The following THOC7 variants were observed in gnomAD, a reference collection of about 807,000 sequenced individuals.
THOC7 encodes the protein THO complex subunit 7.
THOC7 carries 22 observed loss-of-function variants against 33.1 expected under a neutral mutation model. The ratio of observed to expected loss-of-function variants is 0.66; its 90% CI spans 0.47 to 0.95. THOC7 has a LOEUF of 0.95. Ranked by LOEUF, THOC7 falls within the 40% of genes least tolerant of loss-of-function variation. THOC7 has a pLI of 0.00. For missense variants in THOC7, 184 were observed against 245.3 expected (o/e 0.75, Z 1.67); for synonymous variants, 77 against 76.8 (o/e 1.00, Z -0.01).
At chr3:63,863,538 G>C in intron 1 of THOC7, 3 of 1,194,112 alleles carry the variant, frequency 2.5e-6, no homozygotes, top group East Asian at 3.5e-5. Context: ...GAGAGCGGAC[G>C]GGGAAAGCCG....
intron 4 of THOC7, among the ~76,000 whole-genome samples, chr3:63,837,491 A>T (rs1701659292): frequency 6.6e-6 from 1 of 152,102 alleles, no homozygotes; most frequent in African/African-American, 2.4e-5. Context: ...TAACCTTCTT[A>T]TTAGATATTC....
At chr3:63,836,165 T>C (rs974449721) in intron 5 of THOC7, 136 bp downstream of exon 5, 6 of 726,332 alleles carry the variant, frequency 8.3e-6, no homozygotes, top group African/African-American at 5.4e-5. Flanking sequence ...CAGAGAAGTA[T>C]GGGAAAATAT....
intron 1 of THOC7, among the ~76,000 whole-genome samples, chr3:63,846,433 GTT>G (rs1471987755): frequency 6.6e-6 from 1 of 152,012 alleles, no homozygotes; most frequent in Non-Finnish European, 1.5e-5. Flanking sequence ...TTTAGACGGA[GTT>G]TCACTCTTGT....
rs1357121449 is a variant in THOC7 at position 63,839,691 on chromosome 3, G to T, written c.102C>A (p.Phe34Leu). The T allele has an allele frequency of 6.2e-7, 1 of 1,612,452 alleles. No homozygotes were observed. The highest frequency in any genetic ancestry group is 1.3e-5 in the African/African-American group (1 of 74,970). ...GGGACCCAGAGTTGCACCATTTAATGAAACTCTTCACTAGCAGATTAATTC... is the reference window on the plus strand; with the variant it reads ...GGGACCCAGAGTTGCACCATTTAATTAAACTCTTCACTAGCAGATTAATTC... Reference protein sequence around the residue: ...DRRINLLVKSFIKWCNSGSQE... With the variant: ...DRRINLLVKSLIKWCNSGSQE... The change falls in exon 2 of 8, where the codon TTC becomes TTA. Residue 34 changes from phenylalanine (F) to leucine (L), a missense_variant. Coordinates refer to ENST00000295899, the MANE Select transcript of THOC7 (RefSeq NM_025075.4).
rs1702191319 is a variant in THOC7, at chr3:63,860,595, T to C, written c.19+3177A>G. The C allele has an allele frequency of 1.3e-5, 2 of 152,098 alleles. 1 individual carries two copies. Among genetic ancestry groups the C allele is most frequent in the South Asian group, 4.1e-4 (2 of 4,822 alleles). The allele number at this position is 152,098 out of a possible 1,614,324, so 9.4% of individuals were successfully genotyped here. On this transcript the variant is annotated intron_variant, in intron 1 of 7. Coordinates refer to ENST00000295899, the MANE Select transcript of THOC7 (RefSeq NM_025075.4). ...ACACTAGATCACAGAGCAGACGAGG[T>C]CCTGCCTCTCAGAATGGCCTACTGG...
chr3:63,855,057 A>G (rs1702089560), intron 1 of THOC7, among the ~76,000 whole-genome samples: 1 of 152,182 alleles, frequency 6.6e-6, no homozygotes, highest in South Asian at 2.1e-4. Flanking sequence ...TTCACGTATT[A>G]ATTAGTGAGT....
At chr3:63,849,920 G>A (rs1701985889) in intron 1 of THOC7, among the ~76,000 whole-genome samples, 1 of 152,108 alleles carries the variant, frequency 6.6e-6, no homozygotes, top group African/African-American at 2.4e-5. Context: ...AAATTTCAAG[G>A]GAGATATCTC....
At chr3:63,860,115 G>C (rs942430519) in intron 1 of THOC7, among the ~76,000 whole-genome samples, 13 of 152,008 alleles carry the variant, frequency 8.6e-5, no homozygotes, top group African/African-American at 3.1e-4. Flanking sequence ...ACTACCTACA[G>C]GTGTGTTCCA....
chr3:63,846,247 T>A (rs1175998532), intron 1 of THOC7: 2 of 448,098 alleles, frequency 4.5e-6, no homozygotes, highest in Non-Finnish European at 9.0e-6. Context: ...AGTTTCCTTA[T>A]AAGAGAATCG....
intron 7 of THOC7, among the ~76,000 whole-genome samples, chr3:63,834,420 G>A (rs565022226): frequency 3.1e-4 from 47 of 151,912 alleles, no homozygotes; most frequent in Middle Eastern, 3.4e-3. Flanking sequence ...AGCACTTTGG[G>A]AGGCCAAGGC....
intron 1 of THOC7, among the ~76,000 whole-genome samples, chr3:63,842,601 GA>G (rs1701791252): frequency 6.6e-6 from 1 of 152,116 alleles, no homozygotes; most frequent in Non-Finnish European, 1.5e-5. Flanking sequence ...CTCAGGAATG[GA>G]AAATCAAATA....
chr3:63,835,956 G>A (rs2637983), intron 5 of THOC7, among the ~76,000 whole-genome samples: 32,357 of 151,850 alleles, frequency 0.21, 3,518 homozygotes, highest in African/African-American at 0.26. Flanking sequence ...ATAATTTAAA[G>A]TTTATTATGT....
intron 1 of THOC7, among the ~76,000 whole-genome samples, chr3:63,855,243 C>T (rs968452053): frequency 6.6e-6 from 1 of 150,916 alleles, no homozygotes; most frequent in Non-Finnish European, 1.5e-5. Flanking sequence ...TTATGACTTC[C>T]TACTGGATTT....
intron 1 of THOC7, among the ~76,000 whole-genome samples, chr3:63,844,362 T>C (rs949314103): frequency 3.3e-5 from 5 of 152,202 alleles, no homozygotes; most frequent in Admixed American, 2.0e-4. Context: ...TGTGATATGC[T>C]CTCACCACAA....
chr3:63,844,920 A>G (rs1701854051), intron 1 of THOC7: 6 of 569,086 alleles, frequency 1.1e-5, no homozygotes, highest in Admixed American at 2.7e-5. Flanking sequence ...GGCTGTTGCT[A>G]TAATACCTGA....
At chr3:63,846,048 A>C in intron 1 of THOC7, 1 of 222,906 alleles carries the variant, frequency 4.5e-6, no homozygotes, top group South Asian at 4.6e-5. Flanking sequence ...TCACCTTTTA[A>C]AAAGATTCAC....
intron 1 of THOC7, among the ~76,000 whole-genome samples, chr3:63,847,768 T>A (rs1191499402): frequency 6.6e-6 from 1 of 152,126 alleles, no homozygotes; most frequent in Non-Finnish European, 1.5e-5. Context: ...AACTCTGACA[T>A]AACTTTTAGT....
intron 4 of THOC7, among the ~76,000 whole-genome samples, chr3:63,837,436 G>T (rs1384605771): frequency 1.3e-5 from 2 of 151,844 alleles, no homozygotes; most frequent in African/African-American, 4.8e-5. Flanking sequence ...CTACATAAGG[G>T]TATACTCTAA....
At chr3:63,842,265 C>A (rs1035586883) in intron 1 of THOC7, among the ~76,000 whole-genome samples, 1 of 152,126 alleles carries the variant, frequency 6.6e-6, no homozygotes, top group Non-Finnish European at 1.5e-5. Flanking sequence ...CAGTGAGATA[C>A]TAGCTCACCC....
Sources: allele counts gnomAD v4.1 joint callset (sites outside exome capture counted in the v4.1 genomes callset), GRCh38; gene constraint gnomAD v4.1.1; transcripts MANE v1.5; gene names NCBI Gene and HGNC (gene_info 2026-07-23, HGNC 2026-07-21).